APBB2: variants seen among roughly 807,000 people sequenced by gnomAD.
The protein encoded by APBB2 is Fe65-like 1.
In APBB2, 38 loss-of-function variants were observed where a neutral mutation model predicts 82.5. The observed-to-expected ratio is 0.46, with a 90% confidence interval of 0.36 to 0.60. The LOEUF (loss-of-function observed/expected upper bound fraction) is 0.60, where lower values mean the gene tolerates loss of function less well. Among genes scored for constraint, APBB2 ranks in the 20% least tolerant of loss-of-function variants. The pLI, the probability that APBB2 is intolerant of heterozygous loss-of-function variation, is 0.00. For synonymous variants in APBB2, 341 were observed against 368.2 expected (o/e 0.93, Z 0.85); for missense variants, 772 against 972.3 (o/e 0.79, Z 2.74).
At chr4:40,974,293 T>C (rs1232045269) in intron 6 of APBB2, among the ~76,000 whole-genome samples, 1 of 152,190 alleles carries the variant, frequency 6.6e-6, no homozygotes, top group Non-Finnish European at 1.5e-5. Flanking sequence ...CTTCAATGTA[T>C]CTTTCTGGGC....
At chr4:41,086,401 T>C (rs1008647028) in intron 3 of APBB2, among the ~76,000 whole-genome samples, 8 of 152,118 alleles carry the variant, frequency 5.3e-5, no homozygotes, top group African/African-American at 1.9e-4. Flanking sequence ...TGAAAATTGA[T>C]GCAAAAATCA....
rs762150208 is a variant in APBB2 at position 41,013,762 on chromosome 4, T to C, written c.656A>G (p.Glu219Gly). Residue 219 changes from glutamate (E) to glycine (G), a missense_variant, in exon 6 of 18, where the codon GAA becomes GGA. Coordinates refer to ENST00000508593, the MANE Select transcript of APBB2 (RefSeq NM_004307.2). ...TGACACTGTGGCTACTTGGCCGTCT[T>C]CAGGGCTGGACTGGGGTCTGTTTGG... ...QKPNRPQSSP[E>G]DGQVATVSSS... 3.1e-6 allele frequency: 5 copies of C among 1,614,192 alleles called. No homozygotes were observed. Among genetic ancestry groups the C allele is most frequent in the Non-Finnish European group, 3.4e-6 (4 of 1,180,028 alleles).
rs369745695 is a variant in APBB2 at position 40,992,842 on chromosome 4, G to A, written c.835+20741C>T. On this transcript the variant is annotated intron_variant, in intron 6 of 17. Coordinates refer to ENST00000508593, the MANE Select transcript of APBB2 (RefSeq NM_004307.2). Reference sequence around the variant, plus strand: ...GACGAACAAGCCAAACCACAGGGCCGGATGGAGATAGGCCGGCCTGCCATG... The same window carrying A: ...GACGAACAAGCCAAACCACAGGGCCAGATGGAGATAGGCCGGCCTGCCATG... Among the ~76,000 whole-genome samples, 41 of 152,262 alleles carry A rather than the reference G, an allele frequency of 2.7e-4. 2 individuals carry two copies. In the South Asian group the frequency reaches 7.7e-3, roughly 29 times the overall value.
intron 2 of APBB2, among the ~76,000 whole-genome samples, chr4:41,142,150 A>C (rs1197202735): frequency 6.7e-6 from 1 of 148,914 alleles, no homozygotes; most frequent in East Asian, 1.9e-4. Context: ...AGATTCTGAA[A>C]GACTGTGACT....
At chr4:41,002,274 C>A (rs1487707027) in intron 6 of APBB2, among the ~76,000 whole-genome samples, 1 of 152,200 alleles carries the variant, frequency 6.6e-6, no homozygotes, top group East Asian at 1.9e-4. Flanking sequence ...CTCTTCTTAA[C>A]CAGATTAACA....
rs76178479 is a variant in APBB2 at position 40,867,493 on chromosome 4, G to A, written c.1529+22871C>T. Among the ~76,000 whole-genome samples, 588 of 152,262 alleles carry A rather than the reference G, an allele frequency of 3.9e-3. 4 individuals are homozygous for A. The highest frequency in any genetic ancestry group is 0.013 in the African/African-American group (532 of 41,548). ...ATGAGTGAACTCAATTATAAGAGGT[G>A]AAGCCAAAATTTGAACCTGTCTCAT... On this transcript the variant is annotated intron_variant, in intron 12 of 17. Transcript: ENST00000508593.
chr4:40,974,321 T>C (rs920924707), intron 6 of APBB2, among the ~76,000 whole-genome samples: 1 of 152,148 alleles, frequency 6.6e-6, no homozygotes, highest in Non-Finnish European at 1.5e-5. Flanking sequence ...ATTCAACTTA[T>C]TAATATAGTG....
intron 12 of APBB2, among the ~76,000 whole-genome samples, chr4:40,856,459 T>C (rs1036743419): frequency 4.6e-5 from 7 of 152,264 alleles, no homozygotes; most frequent in African/African-American, 1.7e-4. Flanking sequence ...TTGAGATATT[T>C]TCTCGCATGG....
intron 12 of APBB2, among the ~76,000 whole-genome samples, chr4:40,843,902 T>G (rs571190582): frequency 1.3e-5 from 2 of 152,268 alleles, no homozygotes; most frequent in Admixed American, 1.3e-4. Flanking sequence ...GGACTCGAAT[T>G]CTAGTCTTAG....
chr4:40,918,779 G>C (rs963521340), intron 10 of APBB2, among the ~76,000 whole-genome samples: 1 of 66,148 alleles, frequency 1.5e-5, no homozygotes, highest in Non-Finnish European at 3.1e-5. Flanking sequence ...TTGTTTGTTT[G>C]TTTTTGTTTT....
chr4:41,074,741 C>G (rs1735064978), intron 3 of APBB2, among the ~76,000 whole-genome samples: 1 of 151,902 alleles, frequency 6.6e-6, no homozygotes, highest in Non-Finnish European at 1.5e-5. Flanking sequence ...TCCCGAGTAG[C>G]TGGGACTACA....
At chr4:40,874,049 TA>T in intron 12 of APBB2, among the ~76,000 whole-genome samples, 1 of 152,316 alleles carries the variant, frequency 6.6e-6, no homozygotes, top group East Asian at 1.9e-4. Context: ...TTTAGAAAAG[TA>T]AAATTTAAAG....
chr4:41,065,925 G>C (rs1024505746), intron 3 of APBB2, among the ~76,000 whole-genome samples: 1 of 152,078 alleles, frequency 6.6e-6, no homozygotes, highest in African/African-American at 2.4e-5. Context: ...TGGAAGGCTT[G>C]ACCAGGGCTG....
intron 1 of APBB2, among the ~76,000 whole-genome samples, chr4:41,166,820 C>A (rs1377929804): frequency 1.3e-5 from 2 of 152,070 alleles, no homozygotes; most frequent in African/African-American, 4.8e-5. Context: ...TCGCTTGAAC[C>A]CAGGAGGCAG....
chr4:40,945,843 C>T (rs528864883), intron 6 of APBB2, among the ~76,000 whole-genome samples: 8 of 152,294 alleles, frequency 5.3e-5, no homozygotes, highest in Middle Eastern at 3.4e-3. Context: ...CTCCTGACCT[C>T]GTGATCCGCC....
chr4:40,938,466 A>G (rs1189170819), intron 7 of APBB2, among the ~76,000 whole-genome samples: 1 of 152,192 alleles, frequency 6.6e-6, no homozygotes, highest in African/African-American at 2.4e-5. Flanking sequence ...TTCTTCTTCC[A>G]TGTTTCTCTT....
chr4:41,179,698 G>A (rs2154061582), intron 1 of APBB2, among the ~76,000 whole-genome samples: 1 of 152,224 alleles, frequency 6.6e-6, no homozygotes, highest in South Asian at 2.1e-4. Context: ...AATTACTGCC[G>A]TATTAATACT....
At chr4:41,114,880 T>A (rs779061386) in intron 2 of APBB2, among the ~76,000 whole-genome samples, 34 of 152,128 alleles carry the variant, frequency 2.2e-4, no homozygotes, top group Non-Finnish European at 4.7e-4. Context: ...TCAATATTGT[T>A]AAAATGGCCA....
At chr4:41,022,269 C>G (rs1711895485) in intron 5 of APBB2, among the ~76,000 whole-genome samples, 1 of 152,204 alleles carries the variant, frequency 6.6e-6, no homozygotes, top group South Asian at 2.1e-4. Context: ...TGATTCAGTT[C>G]CTCTGGGATT....
Sources: allele counts gnomAD v4.1 joint callset (sites outside exome capture counted in the v4.1 genomes callset), GRCh38; gene constraint gnomAD v4.1.1; transcripts MANE v1.5; gene names NCBI Gene and HGNC (gene_info 2026-07-23, HGNC 2026-07-21).